GALNT13: variants seen among roughly 807,000 people sequenced by gnomAD.
The protein encoded by GALNT13 is polypeptide N-acetylgalactosaminyltransferase 13.
Under a neutral mutation model 64.2 loss-of-function variants are expected in GALNT13, and 28 were observed. The observed-to-expected ratio is 0.44, with a 90% CI of 0.32 to 0.60. The LOEUF is 0.60. GALNT13 is among the 20% of genes least tolerant of loss of function. The pLI is 0.05. For synonymous variants in GALNT13, 214 were observed against 224.6 expected (o/e 0.95, Z 0.42); for missense variants, 577 against 669.8 (o/e 0.86, Z 1.53).
At chr2:153,297,938 A>G in the GALNT13 span, among the ~76,000 whole-genome samples, 2 of 152,218 alleles carry the variant, frequency 1.3e-5, no homozygotes, top group African/African-American at 4.8e-5. Context: ...AGAAAACATT[A>G]TGATTCAAGA....
the GALNT13 span, among the ~76,000 whole-genome samples, chr2:153,307,641 T>A: frequency 6.6e-6 from 1 of 152,152 alleles, no homozygotes; most frequent in African/African-American, 2.4e-5. Flanking sequence ...TGCTACAATT[T>A]ATATAGAAAT....
At chr2:153,700,753 G>T in the GALNT13 span, among the ~76,000 whole-genome samples, 1 of 152,026 alleles carries the variant, frequency 6.6e-6, no homozygotes, top group Admixed American at 6.6e-5. Context: ...TTGCTACAAA[G>T]AGAATAAATT....
chr2:154,170,231 G>A (rs2105697828), intron 4 of GALNT13, among the ~76,000 whole-genome samples: 1 of 152,206 alleles, frequency 6.6e-6, no homozygotes, highest in Non-Finnish European at 1.5e-5. Flanking sequence ...GCCCACATTG[G>A]ATGAGGGCGG....
chr2:153,968,234 C>A (rs1019914260), intron 3 of GALNT13, among the ~76,000 whole-genome samples: 6 of 152,304 alleles, frequency 3.9e-5, no homozygotes, highest in Admixed American at 3.3e-4. Flanking sequence ...ACTGGTAGAG[C>A]TGACTAGAAT....
At chr2:153,528,633 C>G in the GALNT13 span, among the ~76,000 whole-genome samples, 1 of 151,884 alleles carries the variant, frequency 6.6e-6, no homozygotes, top group Non-Finnish European at 1.5e-5. Context: ...TTTTCCTCAG[C>G]CTAGGGATCA....
chr2:153,367,798 A>C, the GALNT13 span, among the ~76,000 whole-genome samples: 1 of 152,128 alleles, frequency 6.6e-6, no homozygotes, highest in African/African-American at 2.4e-5. Context: ...GGACCAGTAA[A>C]AATATTTTTG....
the GALNT13 span, among the ~76,000 whole-genome samples, chr2:153,613,903 C>T: frequency 6.6e-6 from 1 of 151,862 alleles, no homozygotes; most frequent in African/African-American, 2.4e-5. Context: ...AGGAGATATA[C>T]CTAATGTAAA....
the GALNT13 span, among the ~76,000 whole-genome samples, chr2:153,256,905 G>T: frequency 6.6e-6 from 1 of 152,232 alleles, no homozygotes; most frequent in African/African-American, 2.4e-5. Flanking sequence ...TTGTCTTTTT[G>T]TTTGTCTGTG....
chr2:153,100,159 A>G, the GALNT13 span, among the ~76,000 whole-genome samples: 127 of 152,314 alleles, frequency 8.3e-4, no homozygotes, highest in Non-Finnish European at 1.5e-3. Context: ...ATGTCCAATG[A>G]ACCTGAAAAG....
At chr2:154,343,249 T>C (rs886826028) in intron 9 of GALNT13, among the ~76,000 whole-genome samples, 6 of 152,022 alleles carry the variant, frequency 3.9e-5, no homozygotes, top group African/African-American at 1.4e-4. Flanking sequence ...AAATTAGTTT[T>C]AAAAAGAAAA....
At chr2:153,941,703 G>A in intron 2 of GALNT13, among the ~76,000 whole-genome samples, 1 of 152,196 alleles carries the variant, frequency 6.6e-6, no homozygotes. Flanking sequence ...CAATATATAA[G>A]ATTATTATTT....
chr2:154,171,402 T>C (rs1468029392), intron 4 of GALNT13, among the ~76,000 whole-genome samples: 1 of 152,154 alleles, frequency 6.6e-6, no homozygotes, highest in Non-Finnish European at 1.5e-5. Flanking sequence ...TATAAATTTG[T>C]GTGTTTTCAA....
chr2:153,615,340 GTGCAGA>G, the GALNT13 span, among the ~76,000 whole-genome samples: 1 of 152,172 alleles, frequency 6.6e-6, no homozygotes, highest in East Asian at 1.9e-4. Flanking sequence ...AAACATGGGA[GTGCAGA>G]TGCCTCTTCC....
chr2:153,656,341 C>CGCGCGCACATATGTGTGTGT, the GALNT13 span, among the ~76,000 whole-genome samples: 1 of 62,462 alleles, frequency 1.6e-5, no homozygotes, highest in Middle Eastern at 9.4e-3. Context: ...TGTGTGTGTG[C>CGCGCGCACATATGTGTGTGT]GCGCGCACAT....
intron 8 of GALNT13, among the ~76,000 whole-genome samples, chr2:154,277,594 C>G (rs996546477): frequency 6.6e-6 from 1 of 152,020 alleles, no homozygotes; most frequent in Non-Finnish European, 1.5e-5. Context: ...ATAACAGATT[C>G]TAGATACTAG....
rs1375029195 is a variant in GALNT13, at chr2:154,450,673, C to T, written c.*122C>T. 2 of 878,372 alleles carry T rather than the reference C, an allele frequency of 2.3e-6. No homozygotes were observed. Among genetic ancestry groups the T allele is most frequent in the Non-Finnish European group, 3.3e-6 (2 of 606,584 alleles). 54.4% of individuals were successfully genotyped at this position (878,372 alleles called of 1,614,324 possible). A position where few individuals can be genotyped will look rare whatever the true frequency, so the allele number is the denominator to read the frequency against. Reference sequence around the variant, plus strand: ...AAAATCCTTTTAGTATTCTAAAACACAATTGTTTCTAATTCGTTTCTAGAA... The same window carrying T: ...AAAATCCTTTTAGTATTCTAAAACATAATTGTTTCTAATTCGTTTCTAGAA... On this transcript the variant is annotated 3_prime_UTR_variant, in exon 13 of 13. Transcript: ENST00000392825.
intron 8 of GALNT13, among the ~76,000 whole-genome samples, chr2:154,283,095 A>G (rs1692053292): frequency 6.6e-6 from 1 of 152,202 alleles, no homozygotes; most frequent in South Asian, 2.1e-4. Context: ...CAAGGATCAT[A>G]GTGCCTTCAG....
the GALNT13 span, among the ~76,000 whole-genome samples, chr2:153,589,984 C>T: frequency 6.6e-6 from 1 of 151,900 alleles, no homozygotes; most frequent in African/African-American, 2.4e-5. Context: ...AAATCAAATC[C>T]AAAATTAGTA....
chr2:153,495,743 G>A, the GALNT13 span, among the ~76,000 whole-genome samples: 1 of 151,758 alleles, frequency 6.6e-6, no homozygotes. Flanking sequence ...AATGGTTTCT[G>A]AAACAGTGGG....
Sources: gnomAD v4.1 joint callset for allele counts (sites outside exome capture counted in the v4.1 genomes callset) on GRCh38, gnomAD v4.1.1 for gene constraint, MANE v1.5 for transcripts, NCBI Gene and HGNC (gene_info 2026-07-23, HGNC 2026-07-21) for gene names.